The following SCN3A variants were observed in gnomAD, a reference collection of about 807,000 sequenced individuals.
SCN3A encodes sodium channel protein type 3 subunit alpha.
In SCN3A, 60 loss-of-function variants were observed where a neutral mutation model predicts 187.6. The observed-to-expected ratio is 0.32, with a 90% CI of 0.26 to 0.40. SCN3A has a LOEUF of 0.40. SCN3A is among the 10% of genes least tolerant of loss of function. The probability of loss-of-function intolerance (pLI) is 1.00; values close to 1 mark genes in which losing one functional copy is unlikely to be tolerated. For synonymous variants in SCN3A, 788 were observed against 829.2 expected (o/e 0.95, Z 0.85); for missense variants, 1,601 against 2,428.2 (o/e 0.66, Z 7.16).
chr2:165,123,938 AT>A (rs1290285954), intron 18 of SCN3A, among the ~76,000 whole-genome samples: 1 of 152,106 alleles, frequency 6.6e-6, no homozygotes, highest in Non-Finnish European at 1.5e-5. Context: ...TAAAGTATTC[AT>A]TTTACCAAAT....
chr2:165,201,887 TA>T (rs994370788), intron 1 of SCN3A, among the ~76,000 whole-genome samples: 2 of 152,178 alleles, frequency 1.3e-5, no homozygotes, highest in African/African-American at 4.8e-5. Flanking sequence ...CAGAAAATTT[TA>T]AAAACAAAGT....
At chr2:165,101,524 A>G (rs1416281822) in intron 21 of SCN3A, among the ~76,000 whole-genome samples, 3 of 152,156 alleles carry the variant, frequency 2.0e-5, no homozygotes, top group Non-Finnish European at 2.9e-5. Flanking sequence ...CGTCAAAAGC[A>G]TATCTTAACC....
At chr2:165,105,273 A>C (rs1301650200) in intron 21 of SCN3A, among the ~76,000 whole-genome samples, 2 of 152,132 alleles carry the variant, frequency 1.3e-5, no homozygotes, top group Non-Finnish European at 2.9e-5. Flanking sequence ...GAACATCTAA[A>C]CAGTTATCTA....
At chr2:165,098,019 G>C (rs1020569406) in intron 22 of SCN3A, among the ~76,000 whole-genome samples, 1 of 152,154 alleles carries the variant, frequency 6.6e-6, no homozygotes, top group Non-Finnish European at 1.5e-5. Context: ...AACAGGATTA[G>C]GAATTTACTG....
At chr2:165,151,863 G>C (rs569020948) in intron 11 of SCN3A, among the ~76,000 whole-genome samples, 1 of 152,240 alleles carries the variant, frequency 6.6e-6, no homozygotes, top group Admixed American at 6.5e-5. Context: ...CAATCACACT[G>C]TGCCAGAACA....
intron 18 of SCN3A, among the ~76,000 whole-genome samples, chr2:165,126,594 C>T (rs1322798475): frequency 0.028 from 2,698 of 96,218 alleles, 105 homozygotes; most frequent in African/African-American, 0.096. Context: ...CTCCCTCCCT[C>T]CCTTCGTTCC....
At chr2:165,155,131 G>A (rs1421453273) in intron 10 of SCN3A, among the ~76,000 whole-genome samples, 1 of 151,998 alleles carries the variant, frequency 6.6e-6, no homozygotes, top group Non-Finnish European at 1.5e-5. Context: ...ATCTTTTAAC[G>A]TGCTGTTTAT....
At chr2:165,194,167 C>G (rs1691788054) in intron 1 of SCN3A, among the ~76,000 whole-genome samples, 1 of 152,100 alleles carries the variant, frequency 6.6e-6, no homozygotes, top group Non-Finnish European at 1.5e-5. Flanking sequence ...ATCAGACAAA[C>G]TATTCTAGAC....
chr2:165,164,584 A>G (rs1689620848), intron 5 of SCN3A, 64 bp from the exon 6 acceptor site: 27 of 1,544,924 alleles, frequency 1.7e-5, no homozygotes, highest in Non-Finnish European at 2.2e-5. Flanking sequence ...AATGTTTTCA[A>G]TCATAGCAAA....
intron 24 of SCN3A, 84 bp from the exon 25 acceptor site, chr2:165,095,732 T>A: frequency 1.3e-6 from 1 of 798,658 alleles, no homozygotes; most frequent in South Asian, 1.9e-5. Flanking sequence ...GTGCTGTTAC[T>A]TAATACAGTG....
intron 21 of SCN3A, among the ~76,000 whole-genome samples, chr2:165,110,063 A>T (rs988483896): frequency 6.6e-6 from 1 of 152,090 alleles, no homozygotes. Context: ...ACACTAGCTG[A>T]CACACTGCTC....
At chr2:165,173,268 A>T (rs1242317666) in intron 3 of SCN3A, among the ~76,000 whole-genome samples, 2 of 152,190 alleles carry the variant, frequency 1.3e-5, no homozygotes, top group Non-Finnish European at 2.9e-5. Context: ...TTATGTTAAT[A>T]AGCATAGTAT....
chr2:165,191,046 C>T (rs1178549749), intron 1 of SCN3A, among the ~76,000 whole-genome samples: 1 of 147,274 alleles, frequency 6.8e-6, no homozygotes, highest in Admixed American at 6.8e-5. Context: ...TTATTGAATC[C>T]AGGATTTTAC....
intron 1 of SCN3A, among the ~76,000 whole-genome samples, chr2:165,200,282 C>T (rs1194563312): frequency 2.6e-5 from 4 of 151,934 alleles, no homozygotes; most frequent in African/African-American, 4.8e-5. Flanking sequence ...TATTAAGGTG[C>T]GAATGAATAA....
At chr2:165,167,454 G>A (rs946401046) in intron 5 of SCN3A, among the ~76,000 whole-genome samples, 10 of 151,866 alleles carry the variant, frequency 6.6e-5, no homozygotes, top group South Asian at 2.1e-4. Flanking sequence ...CTATAAAAAC[G>A]GAACTAAAAG....
In SCN3A at chr2:165,092,126, G is replaced by T; in HGVS notation, c.4807+128C>A. ...GGTTTCAGAGTTTTTATTCAAATAT[G>T]CTAGTGTTGAACTTTACATCTATAT... On this transcript the variant is annotated intron_variant, in intron 27 of 27. Coordinates refer to ENST00000283254, the MANE Select transcript of SCN3A (RefSeq NM_006922.4). The surrounding 1 kb of genome is among the most constrained non-coding windows in gnomAD (Gnocchi z 4.2). The T allele has an allele frequency of 1.1e-6, 1 of 913,936 alleles. No individual in the cohort carries two copies. Among genetic ancestry groups the T allele is most frequent in the Non-Finnish European group, 1.8e-6 (1 of 560,886 alleles). The allele number at this position is 913,936 out of a possible 1,614,324, so 56.6% of individuals were successfully genotyped here.
intron 12 of SCN3A, among the ~76,000 whole-genome samples, chr2:165,142,656 C>A (rs1166028914): frequency 6.6e-6 from 1 of 152,092 alleles, no homozygotes; most frequent in Non-Finnish European, 1.5e-5. Context: ...ATAAAGAATG[C>A]TAATGTTTTT....
Position 165,159,351 on chromosome 2 carries a change from T to TTTTGC in SCN3A, c.1031+2956_1031+2957insGCAAA. Among the ~76,000 whole-genome samples the TTTTGC allele has an allele frequency of 1.5e-5, 2 of 136,668 alleles. 1 individual carries two copies. Among genetic ancestry groups the TTTTGC allele is most frequent in the Admixed American group, 1.5e-4 (2 of 12,970 alleles). 89.7% of individuals were successfully genotyped at this position (136,668 alleles called of 152,430 possible). A position where few individuals can be genotyped will look rare whatever the true frequency, so the allele number is the denominator to read the frequency against. ...AGATATTCTGGACACTGGTTTGTTG[T>TTTTGC]TTTGTTTTGTTTTGTTTTCTTTTGA... is the stretch of plus-strand genomic sequence containing the variant. On this transcript the variant is annotated intron_variant, in intron 9 of 27. Transcript: ENST00000283254.
chr2:165,122,210 T>C (rs984287629), intron 18 of SCN3A, among the ~76,000 whole-genome samples: 3 of 148,958 alleles, frequency 2.0e-5, no homozygotes, highest in Non-Finnish European at 4.4e-5. Flanking sequence ...TATTCTTTTT[T>C]TTTTCTTTTT....
Sources: allele counts gnomAD v4.1 joint callset (sites outside exome capture counted in the v4.1 genomes callset), GRCh38; gene constraint gnomAD v4.1.1; non-coding constraint Gnocchi (gnomAD v3.1); transcripts MANE v1.5; gene names NCBI Gene and HGNC (gene_info 2026-07-23, HGNC 2026-07-21).